INTS9: variants seen among roughly 807,000 people sequenced by gnomAD.
INTS9 encodes protein related to CPSF subunits of 74 kDa.
INTS9 carries 55 observed loss-of-function variants against 79.7 expected under a neutral mutation model. The ratio of observed to expected loss-of-function variants is 0.69; its 90% CI spans 0.56 to 0.86. The LOEUF (loss-of-function observed/expected upper bound fraction) is 0.86, where lower values mean the gene tolerates loss of function less well. Ranked by LOEUF, INTS9 falls within the 40% of genes least tolerant of loss-of-function variation. INTS9 has a pLI of 0.00. For synonymous variants in INTS9, 319 were observed against 325.2 expected (o/e 0.98, Z 0.20); for missense variants, 721 against 831.5 (o/e 0.87, Z 1.64).
At chr8:28,875,314 C>G (rs977762918) in intron 1 of INTS9, among the ~76,000 whole-genome samples, 1 of 152,126 alleles carries the variant, frequency 6.6e-6, no homozygotes, top group African/African-American at 2.4e-5. Flanking sequence ...ATAAATTGTA[C>G]ACATACATCA....
chr8:28,838,492 T>C (rs1806958238), intron 4 of INTS9, among the ~76,000 whole-genome samples: 1 of 152,174 alleles, frequency 6.6e-6, no homozygotes, highest in Non-Finnish European at 1.5e-5. Flanking sequence ...AATTTTTCCA[T>C]ATATTTAAGT....
chr8:28,798,807 T>C (rs1242444152), intron 8 of INTS9, among the ~76,000 whole-genome samples: 1 of 152,148 alleles, frequency 6.6e-6, no homozygotes, highest in Non-Finnish European at 1.5e-5. Flanking sequence ...CCTCTGTGTA[T>C]ACTTTTCCAT....
At chr8:28,786,658 T>C (rs756947934) in intron 11 of INTS9, among the ~76,000 whole-genome samples, 1 of 152,170 alleles carries the variant, frequency 6.6e-6, no homozygotes, top group Non-Finnish European at 1.5e-5. Context: ...ATGTATACTT[T>C]AGGAACAAAA....
intron 6 of INTS9, among the ~76,000 whole-genome samples, chr8:28,821,969 G>T (rs753230853): frequency 6.6e-6 from 1 of 152,028 alleles, no homozygotes; most frequent in East Asian, 1.9e-4. Flanking sequence ...ATTTTGCCAC[G>T]TTGCCCATGC....
At chr8:28,842,794 C>A (rs998225492) in intron 4 of INTS9, among the ~76,000 whole-genome samples, 2 of 152,156 alleles carry the variant, frequency 1.3e-5, no homozygotes, top group African/African-American at 4.8e-5. Context: ...TTTCAGGCTT[C>A]ATGGCTCTTT....
intron 11 of INTS9, among the ~76,000 whole-genome samples, chr8:28,782,209 G>A (rs1803308688): frequency 6.6e-6 from 1 of 152,168 alleles, no homozygotes; most frequent in African/African-American, 2.4e-5. Context: ...GATTGTTATG[G>A]CCTGCTTTAG....
At position 28,777,893 on chromosome 8, in the gene INTS9, A is replaced by G; in HGVS notation, c.1331T>C (p.Ile444Thr). The change falls in exon 13 of 17, where the codon ATC becomes ACC. Residue 444 changes from isoleucine to threonine, a missense_variant. Ile to Thr is a moderately conservative substitution (Grantham distance 89). This residue lies in a region of INTS9 where 281 missense variants were observed against 300.8 expected (regional missense o/e 0.93). Coordinates refer to ENST00000521022, the MANE Select transcript of INTS9 (RefSeq NM_018250.4). Reference sequence around the variant, plus strand: ...CAGCCGGGTGTCGATGGGGCAGTAGATGCATTTCATGGCCAGCGGCTGGTA... The same window carrying G: ...CAGCCGGGTGTCGATGGGGCAGTAGGTGCATTTCATGGCCAGCGGCTGGTA... ...APYQPLAMKC[I>T]YCPIDTRLNF... The G allele has an allele frequency of 1.2e-6, 2 of 1,612,764 alleles. No homozygotes were observed. Among genetic ancestry groups the G allele is most frequent in the East Asian group, 2.2e-5 (1 of 44,668 alleles).
At chr8:28,888,343 G>T (rs534465181) in intron 1 of INTS9, among the ~76,000 whole-genome samples, 2 of 152,282 alleles carry the variant, frequency 1.3e-5, no homozygotes, top group East Asian at 3.9e-4. Context: ...CTTGAACCCA[G>T]GAGTTTGAGA....
In INTS9 at chr8:28,780,842, G is replaced by A. The variant is rs1188783998; in HGVS notation, c.1251C>T (p.Leu417=). Residue 417 remains leucine (L), a synonymous_variant, in exon 12 of 17, where the codon CTC becomes CTT. Coordinates refer to ENST00000521022, the MANE Select transcript of INTS9 (RefSeq NM_018250.4). ...HFMELWGKSS[L]NTVIFTEPDF... is the part of the protein sequence containing the mutation. The stretch of plus-strand genomic sequence containing the variant: ...ACTTACCCGTGAATATGACGGTATT[G>A]AGACTAGATTTTCCCCAGAGCTCCA... 1.9e-6 allele frequency: 3 copies of A among 1,614,150 alleles called. No homozygotes were observed. In the South Asian group the frequency reaches 3.3e-5, roughly 18 times the overall value.
chr8:28,785,651 T>C (rs1387782788), intron 11 of INTS9, among the ~76,000 whole-genome samples: 1 of 152,230 alleles, frequency 6.6e-6, no homozygotes, highest in Non-Finnish European at 1.5e-5. Context: ...TAGTGGAGAA[T>C]GGTATCTAGA....
chr8:28,877,509 T>C (rs1483021799), intron 1 of INTS9, among the ~76,000 whole-genome samples: 1 of 152,104 alleles, frequency 6.6e-6, no homozygotes, highest in East Asian at 1.9e-4. Flanking sequence ...TAAACCTTAA[T>C]AAAAAATGCA....
rs772138553 is a variant in INTS9 at position 28,768,159 on chromosome 8, A to G, written c.1964T>C (p.Leu655Ser). The G allele has an allele frequency of 6.2e-7, 1 of 1,614,142 alleles. No homozygotes were observed. Among genetic ancestry groups the G allele is most frequent in the Non-Finnish European group, 8.5e-7 (1 of 1,180,028 alleles). The change falls in exon 17 of 17, where the codon TTA becomes TCA. Residue 655 changes from leucine (L) to serine (S), a missense_variant. By Grantham distance (145) the Leu-to-Ser change is moderately radical. Coordinates refer to ENST00000521022, the MANE Select transcript of INTS9 (RefSeq NM_018250.4). Reference sequence around the variant, plus strand: ...CAGATGGCCCACTCAGAACTTCTGTAAGAATTTGAGGACAAGGTCCCGCAG... The same window carrying G: ...CAGATGGCCCACTCAGAACTTCTGTGAGAATTTGAGGACAAGGTCCCGCAG... ...VRLRDLVLKF[L>S]QKF
chr8:28,831,462 AT>A (rs1003716874), intron 6 of INTS9, among the ~76,000 whole-genome samples: 1 of 152,118 alleles, frequency 6.6e-6, no homozygotes, highest in African/African-American at 2.4e-5. Flanking sequence ...CAGAACTTAA[AT>A]TTTTTTTAAA....
chr8:28,830,838 T>C (rs1806439711), intron 6 of INTS9, among the ~76,000 whole-genome samples: 1 of 152,102 alleles, frequency 6.6e-6, no homozygotes, highest in Non-Finnish European at 1.5e-5. Context: ...TTGGCCAGGA[T>C]GAGAATCAAA....
At chr8:28,823,646 G>A (rs1805980549) in intron 6 of INTS9, among the ~76,000 whole-genome samples, 1 of 152,150 alleles carries the variant, frequency 6.6e-6, no homozygotes, top group South Asian at 2.1e-4. Context: ...CCCTAAGAGG[G>A]TAGAGGAGAA....
chr8:28,881,286 G>A (rs1360084264), intron 1 of INTS9, among the ~76,000 whole-genome samples: 5 of 147,480 alleles, frequency 3.4e-5, no homozygotes, highest in South Asian at 4.3e-4. Flanking sequence ...CAGCCGCCCA[G>A]TCCGGGAGGG....
intron 6 of INTS9, among the ~76,000 whole-genome samples, chr8:28,828,730 C>T (rs1806294984): frequency 6.6e-6 from 1 of 151,016 alleles, no homozygotes; most frequent in African/African-American, 2.4e-5. Flanking sequence ...TGGAGTTTTG[C>T]TCTTGTTGCC....
intron 6 of INTS9, among the ~76,000 whole-genome samples, chr8:28,819,693 A>G (rs1805712043): frequency 1.3e-5 from 2 of 152,118 alleles, no homozygotes; most frequent in African/African-American, 4.8e-5. Context: ...GCTGAGTTCA[A>G]TTCCTGGGTA....
intron 1 of INTS9, among the ~76,000 whole-genome samples, chr8:28,864,672 T>A (rs1449696405): frequency 1.3e-5 from 2 of 152,218 alleles, no homozygotes; most frequent in Non-Finnish European, 2.9e-5. Flanking sequence ...TCATCTAGTG[T>A]AAGAAATTTA....
Sources: allele counts gnomAD v4.1 joint callset (sites outside exome capture counted in the v4.1 genomes callset), GRCh38; gene constraint gnomAD v4.1.1; regional missense constraint gnomAD v4.1.1; transcripts MANE v1.5; gene names NCBI Gene and HGNC (gene_info 2026-07-23, HGNC 2026-07-21).